Variants in RBFOX1 observed in about 807,000 individuals in gnomAD.
RBFOX1 encodes the protein RNA binding fox-1 homolog 1, also known as RNA binding protein fox-1 homolog 1.
RBFOX1 carries 8 observed loss-of-function variants against 57.7 expected under a neutral mutation model. The ratio of observed to expected loss-of-function variants is 0.14; its 90% CI spans 0.08 to 0.25. The LOEUF (loss-of-function observed/expected upper bound fraction) is 0.25, where lower values mean the gene tolerates loss of function less well. Ranked by LOEUF, RBFOX1 falls within the 10% of genes least tolerant of loss-of-function variation. RBFOX1 has a pLI of 1.00. For missense variants in RBFOX1, 611 were observed against 548.5 expected, an observed-to-expected ratio of 1.11 and a Z score of -1.14; for synonymous variants, 326 against 222.4, an observed-to-expected ratio of 1.47 and a Z score of -4.15.
intron 3 of RBFOX1, among the ~76,000 whole-genome samples, chr16:6,922,788 C>T (rs2074761862): frequency 6.6e-6 from 1 of 152,128 alleles, no homozygotes; most frequent in South Asian, 2.1e-4. Context: ...AGTAATAAAT[C>T]AGGAGGTCAG....
intron 3 of RBFOX1, among the ~76,000 whole-genome samples, chr16:5,624,339 C>T (rs2048284710): frequency 6.6e-6 from 1 of 152,202 alleles, no homozygotes; most frequent in Non-Finnish European, 1.5e-5. Context: ...GGACTACAGG[C>T]ACCTACTACC....
chr16:7,410,099 CAT>C (rs1177490283), intron 4 of RBFOX1, among the ~76,000 whole-genome samples: 1 of 152,186 alleles, frequency 6.6e-6, no homozygotes, highest in African/African-American at 2.4e-5. Context: ...GTAGATTGAA[CAT>C]AGGAAATTGC....
chr16:6,089,167 C>T (rs551469295), intron 1 of RBFOX1, among the ~76,000 whole-genome samples: 4 of 151,796 alleles, frequency 2.6e-5, no homozygotes, highest in African/African-American at 9.7e-5. Context: ...TTATAAGATG[C>T]TGCGAGAATT....
chr16:6,927,604 C>G (rs1231759948), intron 3 of RBFOX1, among the ~76,000 whole-genome samples: 3 of 151,780 alleles, frequency 2.0e-5, no homozygotes, highest in Non-Finnish European at 4.4e-5. Flanking sequence ...GGAAAAGTAC[C>G]TGACATTTAG....
intron 3 of RBFOX1, among the ~76,000 whole-genome samples, chr16:6,975,318 T>A (rs1049804379): frequency 6.6e-6 from 1 of 152,014 alleles, no homozygotes; most frequent in Admixed American, 6.6e-5. Flanking sequence ...CAGGCTGGAG[T>A]GCAGTGGCAC....
chr16:7,283,838 T>C (rs1411473033), intron 4 of RBFOX1, among the ~76,000 whole-genome samples: 1 of 152,198 alleles, frequency 6.6e-6, no homozygotes, highest in Non-Finnish European at 1.5e-5. Context: ...AGCACACAGT[T>C]CTTCAAGTTT....
chr16:7,612,767 G>A (rs2057760714), intron 10 of RBFOX1, among the ~76,000 whole-genome samples: 1 of 152,110 alleles, frequency 6.6e-6, no homozygotes, highest in Non-Finnish European at 1.5e-5. Flanking sequence ...TCAGCACGGG[G>A]CTGTCAAATG....
At position 5,799,440 on chromosome 16, in the gene RBFOX1, G is replaced by C. The variant is rs1409858553; in HGVS notation, c.319-67863G>C. 2.0e-5 allele frequency among the ~76,000 whole-genome samples: 3 copies of C among 152,130 alleles called. No homozygotes were observed. In the East Asian group the frequency reaches 5.8e-4, roughly 29 times the overall value. On this transcript the variant is annotated intron_variant, in intron 3 of 19. Transcript: ENST00000641259. Reference sequence around the variant, plus strand: ...AACAATATACAGATGTATGGTCCCCGAATTATGATGGTTTGAGTTATAATT... The same window carrying C: ...AACAATATACAGATGTATGGTCCCCCAATTATGATGGTTTGAGTTATAATT...
chr16:5,362,322 C>T (rs1334692559), intron 1 of RBFOX1, among the ~76,000 whole-genome samples: 1 of 152,086 alleles, frequency 6.6e-6, no homozygotes, highest in Non-Finnish European at 1.5e-5. Flanking sequence ...TCCCGAGTGT[C>T]TGGGACTACA....
At chr16:6,369,127 A>G (rs565473077) in intron 2 of RBFOX1, among the ~76,000 whole-genome samples, 2 of 152,306 alleles carry the variant, frequency 1.3e-5, no homozygotes, top group South Asian at 4.1e-4. Flanking sequence ...TTTGTCAGGG[A>G]TAACTAAGGG....
intron 3 of RBFOX1, among the ~76,000 whole-genome samples, chr16:7,018,922 C>T (rs973410879): frequency 6.6e-6 from 1 of 152,028 alleles, no homozygotes; most frequent in Non-Finnish European, 1.5e-5. Flanking sequence ...AGTTCAAGAC[C>T]AGCCTGGGCA....
At chr16:5,594,957 C>A (rs1294366593) in intron 2 of RBFOX1, among the ~76,000 whole-genome samples, 1 of 126,588 alleles carries the variant, frequency 7.9e-6, no homozygotes, top group South Asian at 2.8e-4. Context: ...CATGGTAAAA[C>A]CCTGTCTCTA....
At chr16:7,173,480 T>A (rs953677402) in intron 4 of RBFOX1, among the ~76,000 whole-genome samples, 2 of 151,002 alleles carry the variant, frequency 1.3e-5, no homozygotes, top group African/African-American at 2.4e-5. Context: ...TGAACACGAG[T>A]TCCATTTGAC....
intron 4 of RBFOX1, among the ~76,000 whole-genome samples, chr16:5,953,316 G>A (rs745537599): frequency 1.3e-5 from 2 of 152,132 alleles, no homozygotes; most frequent in Non-Finnish European, 1.5e-5. Flanking sequence ...ATATTGCATG[G>A]GCATACTTTT....
At position 6,823,011 on chromosome 16, in the gene RBFOX1, A is replaced by G. The variant is rs148673703; in HGVS notation, c.-16+168361A>G. ...TCAACGTGTAGATACTTTGCTTAGT[A>G]CTGTATGTGCATTATTCTGATGTCA... On this transcript the variant is annotated intron_variant, in intron 3 of 15. Coordinates refer to ENST00000550418, the MANE Select transcript of RBFOX1 (RefSeq NM_018723.4). Among the ~76,000 whole-genome samples, 388 of 152,138 alleles carry G rather than the reference A, an allele frequency of 2.6e-3. 3 individuals are homozygous for G. Among genetic ancestry groups the G allele is most frequent in the African/African-American group, 8.7e-3 (363 of 41,508 alleles).
chr16:6,444,219 G>C (rs1297332511), intron 2 of RBFOX1, among the ~76,000 whole-genome samples: 1 of 152,098 alleles, frequency 6.6e-6, no homozygotes, highest in Admixed American at 6.6e-5. Flanking sequence ...TACCACAAGA[G>C]CAGGAACAGT....
chr16:5,323,923 G>C (rs748488365), intron 1 of RBFOX1, among the ~76,000 whole-genome samples: 15 of 152,216 alleles, frequency 9.9e-5, no homozygotes, highest in Non-Finnish European at 2.1e-4. Flanking sequence ...ACTGAGTTTT[G>C]TAATTCTGAC....
In RBFOX1 at chr16:6,179,384, A is replaced by G. The variant is rs1030745865; in HGVS notation, c.-126-137611A>G. Among the ~76,000 whole-genome samples, 3 of 152,200 alleles carry G rather than the reference A, an allele frequency of 2.0e-5. No individual in the cohort carries two copies. The East Asian group carries it at 5.8e-4, about 29-fold the overall frequency. ...GGTGGGGAGATTGATGTTTAGAGCT[A>G]GGTTTATCTGTATAAAGGAATAATT... On this transcript the variant is annotated intron_variant, in intron 1 of 15. Transcript: ENST00000550418.
At chr16:6,137,228 G>A (rs865974159) in intron 1 of RBFOX1, among the ~76,000 whole-genome samples, 2 of 152,298 alleles carry the variant, frequency 1.3e-5, no homozygotes, top group African/African-American at 4.8e-5. Context: ...AAAGATATCT[G>A]CCATTTATTG....
Sources: allele counts gnomAD v4.1 joint callset (sites outside exome capture counted in the v4.1 genomes callset), GRCh38; gene constraint gnomAD v4.1.1; transcripts MANE v1.5; gene names NCBI Gene and HGNC (gene_info 2026-07-23, HGNC 2026-07-21).